Variants in LRCH1 observed in about 807,000 individuals in gnomAD.
The protein encoded by LRCH1 is leucine-rich repeat and calponin homology domain-containing protein 1.
A neutral mutation model predicts 94.9 loss-of-function variants in LRCH1; 23 were observed. The observed-to-expected ratio is 0.24, with a 90% confidence interval of 0.17 to 0.34. The LOEUF is 0.34. Ranked by LOEUF, LRCH1 falls within the 10% of genes least tolerant of loss-of-function variation. LRCH1 has a pLI of 1.00. For synonymous variants in LRCH1, 364 were observed against 354.9 expected (o/e 1.03, Z -0.29); for missense variants, 790 against 945.9 (o/e 0.84, Z 2.16).
intron 1 of LRCH1, among the ~76,000 whole-genome samples, chr13:46,615,736 T>C (rs981287483): frequency 1.3e-5 from 2 of 152,210 alleles, no homozygotes; most frequent in Admixed American, 6.5e-5. Flanking sequence ...TTGGATGTTT[T>C]TCAGTTGTAT....
chr13:46,729,900 A>T (rs1873015444), intron 18 of LRCH1, among the ~76,000 whole-genome samples: 2 of 152,268 alleles, frequency 1.3e-5, no homozygotes, highest in Admixed American at 1.3e-4. Flanking sequence ...CGTAGTGGGG[A>T]GGAGAACATG....
intron 1 of LRCH1, among the ~76,000 whole-genome samples, chr13:46,574,475 A>G (rs962315779): frequency 1.3e-4 from 20 of 152,194 alleles, no homozygotes; most frequent in African/African-American, 4.8e-4. Flanking sequence ...TGTCAATGCA[A>G]GGGAAGAACG....
At chr13:46,630,343 T>A (rs1248405898) in intron 1 of LRCH1, among the ~76,000 whole-genome samples, 1 of 152,212 alleles carries the variant, frequency 6.6e-6, no homozygotes, top group African/African-American at 2.4e-5. Flanking sequence ...GATCTTAGCT[T>A]CCAAAATTAC....
intron 17 of LRCH1, among the ~76,000 whole-genome samples, chr13:46,725,518 A>G (rs571561770): frequency 2.0e-5 from 3 of 152,288 alleles, no homozygotes; most frequent in African/African-American, 4.8e-5. Flanking sequence ...CTTATAGTCT[A>G]TTGGGGAGAG....
intron 3 of LRCH1, among the ~76,000 whole-genome samples, chr13:46,669,406 G>T (rs2051567309): frequency 6.6e-6 from 1 of 152,124 alleles, no homozygotes; most frequent in Non-Finnish European, 1.5e-5. Flanking sequence ...TGCCGTTTTT[G>T]AAGTTTATGG....
chr13:46,613,312 C>A (rs551507596), intron 1 of LRCH1, among the ~76,000 whole-genome samples: 1 of 152,000 alleles, frequency 6.6e-6, no homozygotes, highest in Non-Finnish European at 1.5e-5. Context: ...ATTGCTTGAA[C>A]CAGGGAGTCA....
chr13:46,686,117 C>G (rs1311568938), intron 5 of LRCH1, 76 bp downstream of exon 5: 1 of 1,338,738 alleles, frequency 7.5e-7, no homozygotes, highest in Non-Finnish European at 9.7e-7. Flanking sequence ...TTCCCCTTCA[C>G]CCTCTGAAAG....
rs1873813328 is a variant in LRCH1 at position 46,744,325 on chromosome 13, T to G, written c.*2477T>G. The stretch of plus-strand genomic sequence containing the variant: ...TTCAGTACTCCCTTCCAATGTTAGA[T>G]AAAAGGAGCCAAGTATCTATTTACA... On this transcript the variant is annotated 3_prime_UTR_variant, in exon 20 of 20. Coordinates refer to ENST00000389797, the MANE Select transcript of LRCH1 (RefSeq NM_001164211.2). 2 of 985,334 alleles carry G rather than the reference T, an allele frequency of 2.0e-6. No individual in the cohort carries two copies. The highest frequency in any genetic ancestry group is 4.7e-5 in the South Asian group (1 of 21,294). The allele number at this position is 985,334 out of a possible 1,614,324, so 61.0% of individuals were successfully genotyped here.
At chr13:46,574,032 G>T (rs1203537799) in intron 1 of LRCH1, among the ~76,000 whole-genome samples, 2 of 151,136 alleles carry the variant, frequency 1.3e-5, no homozygotes, top group South Asian at 2.1e-4. Flanking sequence ...TTTTAGTAGA[G>T]ACGGGGTTTC....
chr13:46,620,552 A>G (rs2138022509), intron 1 of LRCH1, among the ~76,000 whole-genome samples: 1 of 152,262 alleles, frequency 6.6e-6, no homozygotes, highest in East Asian at 1.9e-4. Context: ...GAGAGTGTGT[A>G]TTAATTATTG....
Position 46,632,742 on chromosome 13 carries a change from A to G in LRCH1, c.308-17459A>G, listed in dbSNP as rs182630505. On this transcript the variant is annotated intron_variant, in intron 1 of 19. Transcript: ENST00000389797. ...CAATTATTTGTTATTCATGAATTCT[A>G]GATGTGTAAATTGTGTGATCAAAAT... Among the ~76,000 whole-genome samples the G allele has an allele frequency of 9.2e-5, 14 of 152,334 alleles. No homozygotes were observed. In the East Asian group the frequency reaches 2.5e-3, roughly 27 times the overall value.
At chr13:46,561,141 A>G (rs112310585) in intron 1 of LRCH1, among the ~76,000 whole-genome samples, 2 of 152,364 alleles carry the variant, frequency 1.3e-5, no homozygotes, top group African/African-American at 4.8e-5. Flanking sequence ...TAACAGAAAT[A>G]CTTCATATTT....
At chr13:46,650,898 G>A (rs1015677681) in intron 2 of LRCH1, among the ~76,000 whole-genome samples, 11 of 152,224 alleles carry the variant, frequency 7.2e-5, no homozygotes, top group East Asian at 1.9e-4. Context: ...TTTACATCCC[G>A]CTAACTTAGG....
chr13:46,742,833 C>T lies in LRCH1; in HGVS notation c.*985C>T. The T allele has an allele frequency of 2.0e-6, 2 of 985,344 alleles. No homozygotes were observed. Among genetic ancestry groups the T allele is most frequent in the Non-Finnish European group, 2.4e-6 (2 of 829,898 alleles). The allele number at this position is 985,344 out of a possible 1,614,324, so 61.0% of individuals were successfully genotyped here. The stretch of plus-strand genomic sequence containing the variant: ...ATGGCAGGAGTCAAGAAGAAGATTA[C>T]TTTCATTCTAGAAGAATGTAGTTTC... On this transcript the variant is annotated 3_prime_UTR_variant, in exon 20 of 20. Coordinates refer to ENST00000389797, the MANE Select transcript of LRCH1 (RefSeq NM_001164211.2).
chr13:46,747,883 G>A (rs1440118411), downstream of LRCH1, among the ~76,000 whole-genome samples: 3 of 151,954 alleles, frequency 2.0e-5, no homozygotes, highest in African/African-American at 7.3e-5. Flanking sequence ...GACCACAGGT[G>A]CACACCACCA....
chr13:46,667,640 A>G (rs1487125874), intron 2 of LRCH1, among the ~76,000 whole-genome samples: 2 of 152,134 alleles, frequency 1.3e-5, no homozygotes, highest in Non-Finnish European at 2.9e-5. Flanking sequence ...ACAAACCTGC[A>G]CGTTGTGCAC....
exon 19 of LRCH1, chr13:46,751,824 T>C (rs1047104632): frequency 6.6e-6 from 1 of 152,210 alleles, no homozygotes; most frequent in East Asian, 1.9e-4. Flanking sequence ...TTAAGGCACA[T>C]AGGACCTGAA....
intron 2 of LRCH1, among the ~76,000 whole-genome samples, chr13:46,657,692 A>ATTTTTT (rs55823488): frequency 2.1e-5 from 1 of 46,918 alleles, no homozygotes; most frequent in Non-Finnish European, 3.9e-5. Flanking sequence ...TGCCCAGCTA[A>ATTTTTT]TTTTTTTTTT....
intron 18 of LRCH1, among the ~76,000 whole-genome samples, chr13:46,732,483 G>C (rs1438344029): frequency 6.6e-6 from 1 of 152,198 alleles, no homozygotes; most frequent in African/African-American, 2.4e-5. Flanking sequence ...CACTCCCAAA[G>C]AGGGAGAATT....
Sources: allele counts gnomAD v4.1 joint callset (sites outside exome capture counted in the v4.1 genomes callset), GRCh38; gene constraint gnomAD v4.1.1; transcripts MANE v1.5; gene names NCBI Gene and HGNC (gene_info 2026-07-23, HGNC 2026-07-21).